The following ANO9 variants were observed in gnomAD, a reference collection of about 807,000 sequenced individuals.
The protein encoded by ANO9 is anoctamin 9, also known as anoctamin-9.
A neutral mutation model predicts 100.5 loss-of-function variants in ANO9; 80 were observed. The observed-to-expected ratio is 0.80, with a 90% CI of 0.66 to 0.96. The LOEUF (loss-of-function observed/expected upper bound fraction) is 0.96, where lower values mean the gene tolerates loss of function less well. ANO9 is among the 40% of genes least tolerant of loss of function. The pLI is 0.00. For missense variants in ANO9, 1,064 were observed against 1,072.7 expected (o/e 0.99, Z 0.11); for synonymous variants, 473 against 435.6 (o/e 1.09, Z -1.07).
chr11:419,124 C>T (rs542339850), intron 20 of ANO9, 135 bp from the exon 21 acceptor site: 9 of 1,484,442 alleles, frequency 6.1e-6, no homozygotes, highest in African/African-American at 2.8e-5. Context: ...TCCAGTGGGA[C>T]GGGGCTCCCG....
intron 15 of ANO9, among the ~76,000 whole-genome samples, chr11:423,186 A>G (rs774439333): frequency 3.3e-5 from 5 of 152,236 alleles, no homozygotes; most frequent in Non-Finnish European, 7.3e-5. Context: ...CTGAAAGAAT[A>G]AACATATGTA....
rs1848342940 is a variant in ANO9, at chr11:423,906, C to CACACAT, written c.1335-2709_1335-2708insATGTGT. 2.6e-5 allele frequency among the ~76,000 whole-genome samples: 4 copies of CACACAT among 151,838 alleles called. No homozygotes were observed. The East Asian group carries it at 7.8e-4, about 29-fold the overall frequency. ...ATACTCACACACACACACACACACA[C>CACACAT]ACACACACACACACACATTTGAGAT... On this transcript the variant is annotated intron_variant, in intron 15 of 22. Coordinates refer to ENST00000332826, the MANE Select transcript of ANO9 (RefSeq NM_001012302.3).
chr11:428,624 C>T lies in ANO9; in HGVS notation c.1036G>A (p.Gly346Ser), dbSNP rs143634897. The stretch of plus-strand genomic sequence containing the variant: ...TAGACCACCAGGACGTGGGCCATGC[C>T]GATCATGAGGCAGATCTGCGGGACA... ...LTLLMICLMI[G>S]MAHVLVVYRV... Residue 346 changes from glycine to serine, a missense_variant, in exon 13 of 23, where the codon GGC becomes AGC. By Grantham distance (56) the Gly-to-Ser change is moderately conservative (BLOSUM62 0). Transcript: ENST00000332826. The T allele has an allele frequency of 7.0e-5, 113 of 1,612,004 alleles. 1 individual carries two copies. Among genetic ancestry groups the T allele is most frequent in the Middle Eastern group, 1.7e-4 (1 of 6,060 alleles).
intron 7 of ANO9, among the ~76,000 whole-genome samples, chr11:431,380 C>T (rs1331159998): frequency 1.1e-5 from 1 of 88,388 alleles, no homozygotes; most frequent in South Asian, 4.4e-4. Flanking sequence ...TGGGGGCTCC[C>T]GCGGGTATCT....
intron 1 of ANO9, chr11:440,441 C>T (rs1239810660): frequency 6.6e-6 from 1 of 152,408 alleles, no homozygotes; most frequent in Non-Finnish European, 1.5e-5. Flanking sequence ...CTGGGACTAG[C>T]AAGTCCTCCC....
At position 422,910 on chromosome 11, in the gene ANO9, A is replaced by G. The variant is rs1403636254; in HGVS notation, c.1335-1712T>C. Among the ~76,000 whole-genome samples, 1 of 150,806 alleles carries G rather than the reference A, an allele frequency of 6.6e-6. No individual in the cohort carries two copies. Among genetic ancestry groups the G allele is most frequent in the Non-Finnish European group, 1.5e-5 (1 of 67,688 alleles). ...AATGGCATGATCTTGGCTCACTACA[A>G]CCTCCACCTTCCGGGTTTAAGTGAT... On this transcript the variant is annotated intron_variant, in intron 15 of 22. Coordinates refer to ENST00000332826, the MANE Select transcript of ANO9 (RefSeq NM_001012302.3). The surrounding 1 kb of genome is among the most constrained non-coding windows in gnomAD (Gnocchi z 4.3).
At chr11:429,133 T>G (rs1848717977) in intron 11 of ANO9, among the ~76,000 whole-genome samples, 3 of 98,644 alleles carry the variant, frequency 3.0e-5, no homozygotes, top group Admixed American at 1.2e-4. Context: ...GCCTCATGGG[T>G]GGACAGACAC....
In ANO9 at chr11:433,711, A is replaced by G. The variant is rs973888668; in HGVS notation, c.204+104T>C. 4 of 1,461,496 alleles carry G rather than the reference A, an allele frequency of 2.7e-6. No individual in the cohort carries two copies. The African/African-American group carries it at 5.7e-5, about 21-fold the overall frequency. The allele number at this position is 1,461,496 out of a possible 1,614,324, so 90.5% of individuals were successfully genotyped here. A position where few individuals can be genotyped will look rare whatever the true frequency, so the allele number is the denominator to read the frequency against. On this transcript the variant is annotated intron_variant, in intron 3 of 22. Transcript: ENST00000332826. ...TCCGTGCCGCCATGACCGGCCCCAC[A>G]GCCCTGCCCCTCGCTGGGCACCCGC...
At chr11:428,848 C>A in intron 11 of ANO9, 22 bp from the exon 12 acceptor site, 1 of 1,609,596 alleles carries the variant, frequency 6.2e-7, no homozygotes, top group Admixed American at 1.7e-5. Flanking sequence ...ACCGGGCAAG[C>A]CTCAGACAAG....
intron 3 of ANO9, 37 bp downstream of exon 3, chr11:433,778 G>T (rs545420544): frequency 1.2e-5 from 18 of 1,539,382 alleles, no homozygotes; most frequent in African/African-American, 5.6e-5. Flanking sequence ...ACCCGCCCCG[G>T]CCCCATGGCC....
At chr11:428,415 T>C (rs776216301) in intron 13 of ANO9, 21 bp from the exon 14 acceptor site, 1 of 1,612,640 alleles carries the variant, frequency 6.2e-7, no homozygotes, top group Admixed American at 1.7e-5. Flanking sequence ...GGGCACCGAA[T>C]GGGCTCACTG....
chr11:438,390 C>A (rs1465112174), intron 1 of ANO9, among the ~76,000 whole-genome samples: 11 of 127,978 alleles, frequency 8.6e-5, no homozygotes, highest in Non-Finnish European at 1.9e-4. Flanking sequence ...TGTAGCCCCC[C>A]CCCGACTCAC....
intron 15 of ANO9, among the ~76,000 whole-genome samples, chr11:426,310 C>A (rs1295097083): frequency 6.6e-6 from 1 of 152,042 alleles, no homozygotes; most frequent in Non-Finnish European, 1.5e-5. Flanking sequence ...TAGCTCACAC[C>A]TGTTATCCCG....
intron 10 of ANO9, 41 bp from the exon 11 acceptor site, chr11:429,693 G>C (rs749779975): frequency 8.3e-5 from 134 of 1,612,404 alleles, no homozygotes; most frequent in Non-Finnish European, 1.1e-4. Flanking sequence ...CACTACGCCA[G>C]GTGGACCTCG....
intron 1 of ANO9, among the ~76,000 whole-genome samples, chr11:435,040 C>G (rs1849339835): frequency 6.6e-6 from 1 of 152,114 alleles, no homozygotes; most frequent in Admixed American, 6.5e-5. Context: ...TAGAGGCCAC[C>G]CAGTCACACC....
chr11:428,533 G>A lies in ANO9; in HGVS notation c.1127C>T (p.Thr376Met), dbSNP rs1208677558. ...AVPFLEEQVT[T>M]AVVVTGALVH... ...CAGAGCCCCGGTCACCACCACGGCC[G>A]TGGTCACCTGCTCCTCCAGGAAGGG... The change falls in exon 13 of 23, where the codon ACG becomes ATG. Residue 376 changes from threonine (T) to methionine (M), a missense_variant. Coordinates refer to ENST00000332826, the MANE Select transcript of ANO9 (RefSeq NM_001012302.3). The A allele has an allele frequency of 5.0e-6, 8 of 1,612,588 alleles. No individual in the cohort carries two copies. Among genetic ancestry groups the A allele is most frequent in the Middle Eastern group, 1.6e-4 (1 of 6,084 alleles).
chr11:427,208 G>A (rs1431428084), intron 15 of ANO9, among the ~76,000 whole-genome samples: 2 of 152,098 alleles, frequency 1.3e-5, no homozygotes, highest in Non-Finnish European at 2.9e-5. Flanking sequence ...AAATTAGCTG[G>A]GTGTGGTGGT....
chr11:418,708 G>T lies in ANO9; in HGVS notation c.2130+12C>A. The T allele has an allele frequency of 6.2e-7, 1 of 1,612,844 alleles. No homozygotes were observed. The highest frequency in any genetic ancestry group is 8.5e-7 in the Non-Finnish European group (1 of 1,179,966). On this transcript the variant is annotated intron_variant, in intron 22 of 22. Transcript: ENST00000332826. ...CAGACCCACTCCGAGGCCTCTCCCGGTTCTGGCTCACCTCAAAGAGGATGA... is the reference window on the plus strand; with the variant it reads ...CAGACCCACTCCGAGGCCTCTCCCGTTTCTGGCTCACCTCAAAGAGGATGA...
intron 15 of ANO9, among the ~76,000 whole-genome samples, chr11:423,882 T>A (rs867232330): frequency 3.8e-5 from 2 of 52,516 alleles, no homozygotes; most frequent in East Asian, 1.6e-3. Context: ...CACAGTTGAA[T>A]ACTCACACAC....
Sources: allele counts gnomAD v4.1 joint callset (sites outside exome capture counted in the v4.1 genomes callset), GRCh38; gene constraint gnomAD v4.1.1; non-coding constraint Gnocchi (gnomAD v3.1); transcripts MANE v1.5; gene names NCBI Gene and HGNC (gene_info 2026-07-23, HGNC 2026-07-21).